Variants in DOCK2 observed in about 807,000 individuals in gnomAD.
The protein encoded by DOCK2 is dedicator of cytokinesis 2.
A neutral mutation model predicts 248.9 loss-of-function variants in DOCK2; 87 were observed. That is an observed-to-expected ratio of 0.35 (90% CI 0.29 to 0.42). The LOEUF is 0.42. Among genes scored for constraint, DOCK2 ranks in the 10% least tolerant of loss-of-function variants. DOCK2 has a pLI of 1.00. For missense variants in DOCK2, 1,747 were observed against 2,300.2 expected (o/e 0.76, Z 4.92); for synonymous variants, 805 against 821.6 (o/e 0.98, Z 0.35).
At chr5:169,858,192 T>C (rs923725827) in intron 27 of DOCK2, among the ~76,000 whole-genome samples, 5 of 152,226 alleles carry the variant, frequency 3.3e-5, no homozygotes, top group African/African-American at 1.2e-4. Context: ...CGAGATGGCT[T>C]CCTTAGGAAG....
intron 23 of DOCK2, among the ~76,000 whole-genome samples, chr5:169,748,079 G>A (rs151251286): frequency 6.6e-6 from 1 of 152,168 alleles, no homozygotes; most frequent in Admixed American, 6.5e-5. Context: ...GGGTGCGGGT[G>A]GGGGAAGCTG....
intron 27 of DOCK2, among the ~76,000 whole-genome samples, chr5:169,938,074 C>T (rs955251611): frequency 1.3e-5 from 2 of 152,192 alleles, no homozygotes; most frequent in African/African-American, 4.8e-5. Flanking sequence ...ATTCAGTACA[C>T]ATCTATTGTG....
intron 26 of DOCK2, among the ~76,000 whole-genome samples, chr5:169,837,473 C>T (rs1769658300): frequency 6.6e-6 from 1 of 152,120 alleles, no homozygotes; most frequent in Non-Finnish European, 1.5e-5. Context: ...TTATGCATTG[C>T]CTTGTACTGC....
intron 25 of DOCK2, among the ~76,000 whole-genome samples, chr5:169,773,910 C>G (rs533526618): frequency 6.6e-6 from 1 of 152,132 alleles, no homozygotes; most frequent in African/African-American, 2.4e-5. Context: ...CTTCTCATTC[C>G]CTCTTGCCTG....
chr5:169,835,260 G>GTTTTTT (rs547978458), intron 26 of DOCK2, among the ~76,000 whole-genome samples: 1 of 134,794 alleles, frequency 7.4e-6, no homozygotes, highest in African/African-American at 2.8e-5. Context: ...GAAATGCCTG[G>GTTTTTT]TTTTTTTTTT....
chr5:169,876,529 G>A (rs1052159997), intron 27 of DOCK2, among the ~76,000 whole-genome samples: 50 of 152,188 alleles, frequency 3.3e-4, no homozygotes, highest in Non-Finnish European at 1.6e-4. Context: ...GAAGTCCTGG[G>A]CAATAATGTC....
chr5:169,649,281 G>A (rs971659161), intron 1 of DOCK2, among the ~76,000 whole-genome samples: 3 of 152,188 alleles, frequency 2.0e-5, no homozygotes, highest in African/African-American at 7.2e-5. Context: ...AGATGGCAGG[G>A]CCCCAGATGA....
chr5:169,944,031 G>A (rs1378675909), intron 27 of DOCK2, among the ~76,000 whole-genome samples: 1 of 152,226 alleles, frequency 6.6e-6, no homozygotes, highest in Non-Finnish European at 1.5e-5. Flanking sequence ...TGTGGACTAA[G>A]AATTAGTATT....
chr5:169,914,050 C>T lies in DOCK2; in HGVS notation c.2800-69018C>T, dbSNP rs551025907. Among the ~76,000 whole-genome samples, 19 of 152,248 alleles carry T rather than the reference C, an allele frequency of 1.2e-4. No individual in the cohort carries two copies. In the South Asian group the frequency reaches 3.9e-3, roughly 32 times the overall value. On this transcript the variant is annotated intron_variant, in intron 27 of 51. Transcript: ENST00000520908. ...CACCCAAAGATGTTTACTAAAGATG[C>T]CCTTTCAAATGAAGCTTTTGACTGA...
chr5:170,045,916 C>T lies in DOCK2; in HGVS notation c.3966+11C>T. 1 of 1,613,930 alleles carries T rather than the reference C, an allele frequency of 6.2e-7. No homozygotes were observed. ...CTCAGCCAGAACCTGGTAAGGCATC[C>T]CCTGGGAAGGCTGAATGCCCTGCAG... On this transcript the variant is annotated intron_variant, in intron 39 of 51. Coordinates refer to ENST00000520908, the MANE Select transcript of DOCK2 (RefSeq NM_004946.3).
intron 25 of DOCK2, among the ~76,000 whole-genome samples, chr5:169,762,672 T>G (rs1764556902): frequency 1.3e-5 from 2 of 152,246 alleles, no homozygotes. Flanking sequence ...CACTCCTTTC[T>G]GTAAGGGTGA....
At chr5:169,694,095 C>A (rs1760464874) in intron 9 of DOCK2, among the ~76,000 whole-genome samples, 1 of 152,228 alleles carries the variant, frequency 6.6e-6, no homozygotes, top group Non-Finnish European at 1.5e-5. Context: ...GTGGACCACA[C>A]TGGGGCCTTG....
intron 27 of DOCK2, among the ~76,000 whole-genome samples, chr5:169,973,072 C>T (rs764560578): frequency 2.6e-5 from 4 of 152,190 alleles, no homozygotes; most frequent in Non-Finnish European, 5.9e-5. Context: ...CACTCCTCTT[C>T]ACTCCTCAAG....
chr5:170,029,920 T>A (rs1184559273), intron 34 of DOCK2, among the ~76,000 whole-genome samples: 1 of 152,198 alleles, frequency 6.6e-6, no homozygotes, highest in Non-Finnish European at 1.5e-5. Context: ...CTGGCCCCTG[T>A]CCCCTTCCTG....
chr5:169,967,952 G>A (rs1252203151), intron 27 of DOCK2, among the ~76,000 whole-genome samples: 1 of 152,190 alleles, frequency 6.6e-6, no homozygotes, highest in Non-Finnish European at 1.5e-5. Context: ...TTCTGAGAAG[G>A]AGCACATGGG....
rs1342722582 is a variant in DOCK2, at chr5:170,081,855, A to C, written c.5301A>C (p.Ser1767=). Residue 1767 remains serine (S), a synonymous_variant, in exon 51 of 52, where the codon TCA becomes TCC. Transcript: ENST00000520908. ...CTCTCCTTCCAGCCCTGGCGCTCTC[A>C]GTGGCAGGCATCCCTGGGTTGGATG... ...SMPTIPALAL[S]VAGIPGLDEA... The C allele has an allele frequency of 1.2e-6, 2 of 1,608,914 alleles. No homozygotes were observed. Among genetic ancestry groups the C allele is most frequent in the Non-Finnish European group, 1.7e-6 (2 of 1,179,266 alleles).
chr5:170,008,206 AC>A, intron 30 of DOCK2, among the ~76,000 whole-genome samples: 4 of 62,750 alleles, frequency 6.4e-5, no homozygotes, highest in African/African-American at 6.2e-4. Flanking sequence ...AACAACAACA[AC>A]AACAACAACA....
intron 14 of DOCK2, among the ~76,000 whole-genome samples, chr5:169,707,006 C>A (rs1761304679): frequency 6.6e-6 from 1 of 152,172 alleles, no homozygotes; most frequent in South Asian, 2.1e-4. Flanking sequence ...ACTCGCTCAC[C>A]ATCAACATGC....
intron 14 of DOCK2, 132 bp downstream of exon 14, chr5:169,702,559 T>C (rs1243036525): frequency 8.8e-6 from 12 of 1,364,586 alleles, no homozygotes; most frequent in Non-Finnish European, 1.2e-5. Flanking sequence ...GAATAATGTG[T>C]TCAACACCTT....
Sources: gnomAD v4.1 joint callset for allele counts (sites outside exome capture counted in the v4.1 genomes callset) on GRCh38, gnomAD v4.1.1 for gene constraint, MANE v1.5 for transcripts, NCBI Gene and HGNC (gene_info 2026-07-23, HGNC 2026-07-21) for gene names.